Variants in EMCN observed in about 807,000 individuals in gnomAD.
EMCN encodes the protein endomucin.
A neutral mutation model predicts 38.4 loss-of-function variants in EMCN; 37 were observed. The observed-to-expected ratio is 0.96, with a 90% CI of 0.74 to 1.27. EMCN has a LOEUF of 1.27. Among genes scored for constraint, EMCN ranks in the 50% most tolerant of loss-of-function variants. The pLI, the probability that EMCN is intolerant of heterozygous loss-of-function variation, is 0.00. For missense variants in EMCN, 318 were observed against 302.8 expected (o/e 1.05, Z -0.37); for synonymous variants, 95 against 100.8 (o/e 0.94, Z 0.35).
At chr4:100,443,753 G>C (rs556420900) in intron 5 of EMCN, among the ~76,000 whole-genome samples, 1 of 152,290 alleles carries the variant, frequency 6.6e-6, no homozygotes, top group East Asian at 1.9e-4. Context: ...GGCAGGGTCT[G>C]TTCCTCTGAG....
intron 3 of EMCN, among the ~76,000 whole-genome samples, chr4:100,473,365 G>GGTTT (rs1728533364): frequency 3.4e-5 from 1 of 29,840 alleles, no homozygotes; most frequent in African/African-American, 8.1e-5. Flanking sequence ...CCCGTTTCGT[G>GGTTT]TTTTTTTGTT....
chr4:100,445,336 C>T (rs533255761), intron 5 of EMCN, among the ~76,000 whole-genome samples: 33 of 152,150 alleles, frequency 2.2e-4, no homozygotes, highest in Non-Finnish European at 4.4e-4. Context: ...AGAATCCTTA[C>T]TTATTTTTAA....
chr4:100,424,218 A>G (rs925124233), intron 5 of EMCN, among the ~76,000 whole-genome samples: 5 of 152,152 alleles, frequency 3.3e-5, no homozygotes, highest in African/African-American at 1.2e-4. Flanking sequence ...TGAATTTGGA[A>G]TAAAGTACAA....
chr4:100,514,569 G>C (rs569792275), intron 1 of EMCN, among the ~76,000 whole-genome samples: 1 of 152,070 alleles, frequency 6.6e-6, no homozygotes, highest in African/African-American at 2.4e-5. Flanking sequence ...ACCATTTACA[G>C]ACTCAAACTA....
intron 1 of EMCN, among the ~76,000 whole-genome samples, chr4:100,512,458 AG>A (rs2110312236): frequency 6.6e-6 from 1 of 152,302 alleles, no homozygotes; most frequent in Non-Finnish European, 1.5e-5. Context: ...TATAATGGAT[AG>A]GAATTCAGTA....
chr4:100,508,054 T>G (rs899988110), intron 1 of EMCN, among the ~76,000 whole-genome samples: 5 of 152,174 alleles, frequency 3.3e-5, no homozygotes, highest in African/African-American at 1.2e-4. Context: ...AGGATGAAAA[T>G]GAAGCAAGAT....
At chr4:100,406,105 A>C (rs1024164097) in intron 11 of EMCN, among the ~76,000 whole-genome samples, 2 of 151,798 alleles carry the variant, frequency 1.3e-5, no homozygotes, top group Non-Finnish European at 2.9e-5. Flanking sequence ...CATTTCTGAT[A>C]GTGTTTATTT....
intron 3 of EMCN, among the ~76,000 whole-genome samples, chr4:100,473,440 G>C (rs1346790548): frequency 8.5e-6 from 1 of 117,372 alleles, no homozygotes; most frequent in African/African-American, 3.0e-5. Flanking sequence ...TTAGACTATG[G>C]AAATGATGTT....
chr4:100,400,203 A>C (rs1017755259), intron 11 of EMCN, among the ~76,000 whole-genome samples: 1 of 152,150 alleles, frequency 6.6e-6, no homozygotes, highest in African/African-American at 2.4e-5. Context: ...AAATACAATA[A>C]CATGAATGTT....
chr4:100,484,704 C>G (rs1321525017), intron 1 of EMCN, among the ~76,000 whole-genome samples: 1 of 152,054 alleles, frequency 6.6e-6, no homozygotes, highest in Admixed American at 6.6e-5. Flanking sequence ...TCTTCTAGAT[C>G]AACATAAACA....
At chr4:100,418,140 T>TA (rs1726789820) in intron 8 of EMCN, among the ~76,000 whole-genome samples, 1 of 152,168 alleles carries the variant, frequency 6.6e-6, no homozygotes, top group Admixed American at 6.6e-5. Context: ...GCTCACCAAT[T>TA]AGACTTAACC....
At chr4:100,471,720 A>G (rs1392291841) in intron 3 of EMCN, among the ~76,000 whole-genome samples, 1 of 152,034 alleles carries the variant, frequency 6.6e-6, no homozygotes, top group Non-Finnish European at 1.5e-5. Context: ...CCATGTAAAA[A>G]GAATTATACC....
chr4:100,415,501 T>G (rs1041807463), intron 10 of EMCN, among the ~76,000 whole-genome samples: 2 of 152,196 alleles, frequency 1.3e-5, no homozygotes, highest in Non-Finnish European at 1.5e-5. Flanking sequence ...AAAACATGAT[T>G]TACATTTTAA....
At chr4:100,478,293 T>C (rs368652655) in intron 2 of EMCN, among the ~76,000 whole-genome samples, 93 of 152,270 alleles carry the variant, frequency 6.1e-4, no homozygotes, top group African/African-American at 2.1e-3. Context: ...TTAGAGACCC[T>C]AGAATAGACT....
At chr4:100,402,712 A>G (rs1457530685) in intron 11 of EMCN, among the ~76,000 whole-genome samples, 3 of 152,190 alleles carry the variant, frequency 2.0e-5, no homozygotes, top group African/African-American at 7.2e-5. Context: ...AATATTTTTT[A>G]AAGTACAGAA....
chr4:100,463,321 A>G (rs1428434436), intron 4 of EMCN, among the ~76,000 whole-genome samples: 1 of 152,126 alleles, frequency 6.6e-6, no homozygotes, highest in African/African-American at 2.4e-5. Context: ...ATAGGTATGC[A>G]CATGAATTGC....
intron 4 of EMCN, among the ~76,000 whole-genome samples, chr4:100,460,820 A>G (rs1042524214): frequency 1.3e-5 from 2 of 152,184 alleles, no homozygotes; most frequent in African/African-American, 4.8e-5. Flanking sequence ...TTGTCTAATT[A>G]TGCTTTTGTT....
chr4:100,514,614 A>G (rs1261303783), intron 1 of EMCN, among the ~76,000 whole-genome samples: 1 of 152,102 alleles, frequency 6.6e-6, no homozygotes, highest in Non-Finnish European at 1.5e-5. Flanking sequence ...TCATCCTGGT[A>G]TTCAATATCT....
intron 10 of EMCN, 34 bp downstream of exon 10, chr4:100,415,863 TA>T: frequency 7.0e-7 from 1 of 1,435,308 alleles, no homozygotes; most frequent in Non-Finnish European, 9.6e-7. Flanking sequence ...CTAAAATAAC[TA>T]ATTTTCATCT....
Sources: allele counts gnomAD v4.1 joint callset (sites outside exome capture counted in the v4.1 genomes callset), GRCh38; gene constraint gnomAD v4.1.1; transcripts MANE v1.5; gene names NCBI Gene and HGNC (gene_info 2026-07-23, HGNC 2026-07-21).